The following SEZ6L variants were observed in gnomAD, a reference collection of about 807,000 sequenced individuals.
The protein encoded by SEZ6L is seizure 6-like protein.
SEZ6L carries 37 observed loss-of-function variants against 106.2 expected under a neutral mutation model. That is an observed-to-expected ratio of 0.35 (90% CI 0.27 to 0.46). The LOEUF (loss-of-function observed/expected upper bound fraction) is 0.46. Ranked by LOEUF, SEZ6L falls within the 20% of genes least tolerant of loss-of-function variation. SEZ6L has a pLI of 1.00. For synonymous variants in SEZ6L, 541 were observed against 570.4 expected (o/e 0.95, Z 0.73); for missense variants, 1,172 against 1,332.8 (o/e 0.88, Z 1.88).
At position 26,248,440 on chromosome 22, in the gene SEZ6L, GA is replaced by G. The variant is rs543325025; in HGVS notation, c.95-43964del. Among the ~76,000 whole-genome samples the G allele has an allele frequency of 2.3e-3, 346 of 152,182 alleles. 1 individual carries two copies. Among genetic ancestry groups the G allele is most frequent in the African/African-American group, 7.5e-3 (311 of 41,514 alleles). ...CACAATCATACCTCACTGTAACCTC[GA>G]ACTCCTGCGCTCAAGCAATCCTCCC... On this transcript the variant is annotated intron_variant, in intron 1 of 16. Transcript: ENST00000248933.
chr22:26,186,888 G>A (rs1939819879), intron 1 of SEZ6L, among the ~76,000 whole-genome samples: 1 of 152,112 alleles, frequency 6.6e-6, no homozygotes, highest in South Asian at 2.1e-4. Flanking sequence ...GAGCACGGGA[G>A]GGGATTTTTG....
Position 26,373,355 on chromosome 22 carries a change from T to A in SEZ6L, c.2795-96T>A, listed in dbSNP as rs1405377910. The stretch of plus-strand genomic sequence containing the variant: ...ACATACCACTAACTTCACCAAAGCA[T>A]GGCATGGGCTTTTGCATCAAATTTT... On this transcript the variant is annotated intron_variant, in intron 13 of 16. Coordinates refer to ENST00000248933, the MANE Select transcript of SEZ6L (RefSeq NM_021115.5). 15 of 1,026,514 alleles carry A rather than the reference T, an allele frequency of 1.5e-5. No homozygotes were observed. The South Asian group carries it at 2.1e-4, about 15-fold the overall frequency. 63.6% of individuals were successfully genotyped at this position (1,026,514 alleles called of 1,614,324 possible). A position where few individuals can be genotyped will look rare whatever the true frequency, so the allele number is the denominator to read the frequency against.
chr22:26,368,636 T>A (rs997431984), intron 13 of SEZ6L, among the ~76,000 whole-genome samples: 2 of 152,148 alleles, frequency 1.3e-5, no homozygotes, highest in Non-Finnish European at 2.9e-5. Context: ...AGAACATGTT[T>A]TGGAACTAGG....
At chr22:26,355,392 A>G (rs1386707816) in intron 12 of SEZ6L, among the ~76,000 whole-genome samples, 1 of 152,204 alleles carries the variant, frequency 6.6e-6, no homozygotes, top group Non-Finnish European at 1.5e-5. Flanking sequence ...AGAGTGGACA[A>G]AGATCCACCA....
At chr22:26,206,213 A>T (rs1335812608) in intron 1 of SEZ6L, among the ~76,000 whole-genome samples, 2 of 151,718 alleles carry the variant, frequency 1.3e-5, no homozygotes, top group African/African-American at 4.8e-5. Flanking sequence ...TCTTCATTCT[A>T]CTCCCTTTGA....
intron 6 of SEZ6L, among the ~76,000 whole-genome samples, chr22:26,309,571 CGTG>C (rs2081747660): frequency 6.6e-6 from 1 of 151,956 alleles, no homozygotes; most frequent in African/African-American, 2.4e-5. Context: ...ACTTACCTAC[CGTG>C]TCCTGTTAAC....
intron 1 of SEZ6L, among the ~76,000 whole-genome samples, chr22:26,232,189 T>C (rs1416651914): frequency 6.6e-6 from 1 of 152,088 alleles, no homozygotes; most frequent in Non-Finnish European, 1.5e-5. Flanking sequence ...AGAATTCCCA[T>C]TCTTCTTCTG....
At chr22:26,347,640 A>AT (rs1159835363) in intron 10 of SEZ6L, 79 bp from the exon 11 acceptor site, 2 of 1,227,940 alleles carry the variant, frequency 1.6e-6, no homozygotes, top group African/African-American at 3.2e-5. Flanking sequence ...CTCTTCGCTC[A>AT]TCCCTCTAGC....
intron 1 of SEZ6L, among the ~76,000 whole-genome samples, chr22:26,287,251 A>C (rs1329617406): frequency 6.6e-6 from 1 of 152,142 alleles, no homozygotes; most frequent in Non-Finnish European, 1.5e-5. Context: ...GCATTTAAGG[A>C]AAGCTCCATC....
intron 13 of SEZ6L, among the ~76,000 whole-genome samples, chr22:26,371,956 T>C (rs746932135): frequency 6.6e-6 from 1 of 152,252 alleles, no homozygotes; most frequent in Non-Finnish European, 1.5e-5. Flanking sequence ...CATTGTGGTA[T>C]GCAGGAGGGG....
intron 12 of SEZ6L, among the ~76,000 whole-genome samples, chr22:26,351,641 G>A (rs1057495882): frequency 6.6e-6 from 1 of 152,068 alleles, no homozygotes; most frequent in African/African-American, 2.4e-5. Flanking sequence ...CCGCCTCCTG[G>A]GTTCAAGCGA....
chr22:26,369,341 C>CTTTTTTTTTTTTTTT lies in SEZ6L; in HGVS notation c.2794+3779_2794+3780insTTTTTTTTTTTTTTT, dbSNP rs199641007. 6.2e-3 allele frequency among the ~76,000 whole-genome samples: 645 copies of CTTTTTTTTTTTTTTT among 103,548 alleles called. 121 individuals are homozygous for CTTTTTTTTTTTTTTT. Among genetic ancestry groups the CTTTTTTTTTTTTTTT allele is most frequent in the South Asian group, 0.016 (39 of 2,482 alleles). 67.9% of individuals were successfully genotyped at this position (103,548 alleles called of 152,430 possible). On this transcript the variant is annotated intron_variant, in intron 13 of 16. Transcript: ENST00000248933. ...ATGACAATGACTTATATAAGCAGTTCTTTTGTTTTTTTTTTTGAGACAGAT... is the reference window on the plus strand; with the variant it reads ...ATGACAATGACTTATATAAGCAGTTCTTTTTTTTTTTTTTTTTTTGTTTTTTTTTTTGAGACAGAT...
intron 12 of SEZ6L, among the ~76,000 whole-genome samples, chr22:26,356,730 G>A (rs2083449332): frequency 6.6e-6 from 1 of 151,684 alleles, no homozygotes; most frequent in Admixed American, 6.6e-5. Context: ...TACCCGTTGG[G>A]CTGTGCAAAT....
intron 12 of SEZ6L, among the ~76,000 whole-genome samples, chr22:26,356,409 A>C (rs2083436809): frequency 6.6e-6 from 1 of 152,070 alleles, no homozygotes; most frequent in African/African-American, 2.4e-5. Context: ...TGGGAGGCTG[A>C]GGCGGGCAGA....
At chr22:26,193,452 G>C (rs909829849) in intron 1 of SEZ6L, among the ~76,000 whole-genome samples, 7 of 152,224 alleles carry the variant, frequency 4.6e-5, no homozygotes, top group Non-Finnish European at 8.8e-5. Flanking sequence ...CTGGCCCAAT[G>C]TGGTTCTGCT....
intron 3 of SEZ6L, among the ~76,000 whole-genome samples, 178 bp from the exon 4 acceptor site, chr22:26,296,710 A>T (rs576074769): frequency 2.0e-5 from 3 of 152,362 alleles, no homozygotes; most frequent in African/African-American, 7.2e-5. Context: ...TTTTGGGGAA[A>T]TTAGGGGGAC....
intron 1 of SEZ6L, among the ~76,000 whole-genome samples, chr22:26,175,307 T>C (rs1007656990): frequency 3.9e-5 from 6 of 152,244 alleles, no homozygotes; most frequent in Non-Finnish European, 8.8e-5. Flanking sequence ...TTACTGAGCA[T>C]TTACTATATC....
intron 1 of SEZ6L, among the ~76,000 whole-genome samples, chr22:26,236,367 A>G (rs2078958984): frequency 6.6e-6 from 1 of 152,158 alleles, no homozygotes; most frequent in Admixed American, 6.5e-5. Flanking sequence ...TGAATGATGT[A>G]TGACTCTCAC....
rs144995246 is a variant in SEZ6L, at chr22:26,368,831, A to G, written c.2794+3265A>G. 2.0e-5 allele frequency among the ~76,000 whole-genome samples: 3 copies of G among 152,282 alleles called. No individual in the cohort carries two copies. In the East Asian group the frequency reaches 5.8e-4, roughly 29 times the overall value. On this transcript the variant is annotated intron_variant, in intron 13 of 16. Coordinates refer to ENST00000248933, the MANE Select transcript of SEZ6L (RefSeq NM_021115.5). Reference sequence around the variant, plus strand: ...AGGTGAGCCATCTTACCTGTTTTACAGATGTGGAAGGAGAAGCTCAGAGAA... The same window carrying G: ...AGGTGAGCCATCTTACCTGTTTTACGGATGTGGAAGGAGAAGCTCAGAGAA...
Sources: gnomAD v4.1 joint callset for allele counts (sites outside exome capture counted in the v4.1 genomes callset) on GRCh38, gnomAD v4.1.1 for gene constraint, MANE v1.5 for transcripts, NCBI Gene and HGNC (gene_info 2026-07-23, HGNC 2026-07-21) for gene names.